KCNMB2: variants seen among roughly 807,000 people sequenced by gnomAD.
The protein encoded by KCNMB2 is potassium calcium-activated channel subfamily M regulatory beta subunit 2, also known as calcium-activated potassium channel subunit beta-2.
A neutral mutation model predicts 24.5 loss-of-function variants in KCNMB2; 9 were observed. The observed-to-expected ratio is 0.37, with a 90% CI of 0.22 to 0.64. The LOEUF (loss-of-function observed/expected upper bound fraction) is 0.64, where lower values mean the gene tolerates loss of function less well. KCNMB2 is among the 30% of genes least tolerant of loss of function. The pLI is 0.63. For missense variants in KCNMB2, 226 were observed against 284.3 expected, an observed-to-expected ratio of 0.79 and a Z score of 1.47; for synonymous variants, 109 against 104.4, an observed-to-expected ratio of 1.04 and a Z score of -0.27.
chr3:178,804,258 G>C (rs568977585), intron 1 of KCNMB2, among the ~76,000 whole-genome samples: 3 of 152,280 alleles, frequency 2.0e-5, no homozygotes, highest in East Asian at 3.9e-4. Context: ...AGGAGTTCAG[G>C]GGGGCTGTCT....
chr3:178,696,998 A>C (rs148173978), intron 1 of KCNMB2, among the ~76,000 whole-genome samples: 7 of 152,204 alleles, frequency 4.6e-5, no homozygotes, highest in African/African-American at 1.7e-4. Flanking sequence ...ATTATTCTAC[A>C]TTTGCTGAGG....
At chr3:178,572,995 GA>G (rs911762660) in intron 1 of KCNMB2, among the ~76,000 whole-genome samples, 4 of 151,992 alleles carry the variant, frequency 2.6e-5, no homozygotes, top group Non-Finnish European at 5.9e-5. Context: ...AACAAAATGT[GA>G]AAATGTAAAT....
chr3:178,701,830 C>G (rs954541144), intron 1 of KCNMB2, among the ~76,000 whole-genome samples: 38 of 152,234 alleles, frequency 2.5e-4, no homozygotes, highest in African/African-American at 7.9e-4. Flanking sequence ...GGACTGTAAA[C>G]TAGTTCAACC....
At chr3:178,631,087 G>A (rs961405435) in intron 1 of KCNMB2, among the ~76,000 whole-genome samples, 6 of 152,124 alleles carry the variant, frequency 3.9e-5, no homozygotes, top group African/African-American at 1.4e-4. Flanking sequence ...TACTCTCCCT[G>A]ATGGAAGCTT....
intron 1 of KCNMB2, among the ~76,000 whole-genome samples, chr3:178,705,783 G>A (rs565146694): frequency 1.3e-5 from 2 of 152,258 alleles, no homozygotes; most frequent in South Asian, 4.1e-4. Flanking sequence ...AATAATCACA[G>A]TTAAAAGGAA....
In KCNMB2 at chr3:178,740,311, G is replaced by A. The variant is rs1019308778; in HGVS notation, c.-67-67032G>A. 4.0e-5 allele frequency among the ~76,000 whole-genome samples: 6 copies of A among 151,690 alleles called. No individual in the cohort carries two copies. The South Asian group carries it at 6.2e-4, about 16-fold the overall frequency. On this transcript the variant is annotated intron_variant, in intron 1 of 4. Coordinates refer to ENST00000452583, the MANE Select transcript of KCNMB2 (RefSeq NM_181361.3). ...TTTTTTTGTATTTTTGAGTAGAGAC[G>A]GAGTTTCACCATGTTAGCCAGGATG... is the stretch of plus-strand genomic sequence containing the variant.
intron 1 of KCNMB2, among the ~76,000 whole-genome samples, chr3:178,758,520 G>C (rs1277483084): frequency 7.3e-5 from 2 of 27,472 alleles, no homozygotes; most frequent in African/African-American, 1.7e-4. Flanking sequence ...ATCTCCAAGA[G>C]GAGATGTATA....
chr3:178,555,710 T>C (rs1163651133), intron 1 of KCNMB2, among the ~76,000 whole-genome samples: 1 of 152,216 alleles, frequency 6.6e-6, no homozygotes, highest in East Asian at 1.9e-4. Context: ...AGATAGATTG[T>C]AAGTCCCTCA....
At chr3:178,695,935 T>C (rs1319764735) in intron 1 of KCNMB2, among the ~76,000 whole-genome samples, 1 of 152,102 alleles carries the variant, frequency 6.6e-6, no homozygotes, top group East Asian at 1.9e-4. Context: ...CACCCCATTC[T>C]CCCAGCACCA....
At chr3:178,686,896 C>T (rs1197449145) in intron 1 of KCNMB2, among the ~76,000 whole-genome samples, 1 of 151,128 alleles carries the variant, frequency 6.6e-6, no homozygotes, top group Non-Finnish European at 1.5e-5. Context: ...TTCCAACCAA[C>T]TGTAGATTAT....
chr3:178,807,050 A>G (rs1713999537), intron 1 of KCNMB2, among the ~76,000 whole-genome samples: 1 of 152,226 alleles, frequency 6.6e-6, no homozygotes, highest in South Asian at 2.1e-4. Context: ...TGAAGGAGAT[A>G]CTTTTGGGAA....
rs57100539 is a variant in KCNMB2 at position 178,697,811 on chromosome 3, C to T, written c.-67-109532C>T. 1.7e-3 allele frequency among the ~76,000 whole-genome samples: 261 copies of T among 152,256 alleles called. 1 individual carries two copies. The highest frequency in any genetic ancestry group is 5.9e-3 in the African/African-American group (245 of 41,552). Reference sequence around the variant, plus strand: ...AGGCAGGTCTTGTGGTAACAAATTCCGTCAGCATTTGCTTGTCAGAAAAGA... The same window carrying T: ...AGGCAGGTCTTGTGGTAACAAATTCTGTCAGCATTTGCTTGTCAGAAAAGA... On this transcript the variant is annotated intron_variant, in intron 1 of 4. Transcript: ENST00000452583.
chr3:178,771,421 C>A (rs1712344836), intron 1 of KCNMB2, among the ~76,000 whole-genome samples: 1 of 151,382 alleles, frequency 6.6e-6, no homozygotes, highest in Non-Finnish European at 1.5e-5. Flanking sequence ...ACATTGCCTA[C>A]AGGCCTTTTG....
chr3:178,713,868 C>T lies in KCNMB2; in HGVS notation c.-67-93475C>T, dbSNP rs9830314. Among the ~76,000 whole-genome samples, 1,363 of 152,198 alleles carry T rather than the reference C, an allele frequency of 9.0e-3. 21 individuals are homozygous for T. Among genetic ancestry groups the T allele is most frequent in the African/African-American group, 0.031 (1,275 of 41,506 alleles). On this transcript the variant is annotated intron_variant, in intron 1 of 4. Coordinates refer to ENST00000452583, the MANE Select transcript of KCNMB2 (RefSeq NM_181361.3). ...TGTGGAGCAAACCTGTGTGGAAGCT[C>T]CCAAGTAATATAGCCCCTGGAATGC...
chr3:178,753,188 A>T (rs61796924), intron 1 of KCNMB2, among the ~76,000 whole-genome samples: 6,648 of 152,332 alleles, frequency 0.044, 196 homozygotes, highest in Non-Finnish European at 0.064. Context: ...TTATGTCTGT[A>T]GTAACCGTAG....
rs111948519 is a variant in KCNMB2, at chr3:178,614,279, A to G, written c.-68+77568A>G. On this transcript the variant is annotated intron_variant, in intron 1 of 4. Transcript: ENST00000452583. ...TATATATATATATATATATATATAT[A>G]TATATATATATATATATGTATGTAT... Among the ~76,000 whole-genome samples, 450 of 72,608 alleles carry G rather than the reference A, an allele frequency of 6.2e-3. 6 individuals carry two copies. The highest frequency in any genetic ancestry group is 0.015 in the African/African-American group (349 of 23,386). 47.6% of individuals were successfully genotyped at this position (72,608 alleles called of 152,430 possible). A position where few individuals can be genotyped will look rare whatever the true frequency, so the allele number is the denominator to read the frequency against.
At chr3:178,537,359 T>A (rs1437302317) in intron 1 of KCNMB2, 4 of 152,276 alleles carry the variant, frequency 2.6e-5, no homozygotes, top group Non-Finnish European at 5.9e-5. Flanking sequence ...AGGGGCTTTC[T>A]CTCGGTTCCT....
At chr3:178,677,703 G>A (rs1341788454) in intron 1 of KCNMB2, among the ~76,000 whole-genome samples, 2 of 152,322 alleles carry the variant, frequency 1.3e-5, no homozygotes, top group African/African-American at 2.4e-5. Flanking sequence ...TCTTAATGAG[G>A]ATTACACCCT....
intron 1 of KCNMB2, among the ~76,000 whole-genome samples, chr3:178,607,044 A>T (rs1359874949): frequency 6.6e-6 from 1 of 152,220 alleles, no homozygotes; most frequent in African/African-American, 2.4e-5. Flanking sequence ...TTTATAAGCA[A>T]CCCAGCTTAT....
Sources: gnomAD v4.1 joint callset for allele counts (sites outside exome capture counted in the v4.1 genomes callset) on GRCh38, gnomAD v4.1.1 for gene constraint, MANE v1.5 for transcripts, NCBI Gene and HGNC (gene_info 2026-07-23, HGNC 2026-07-21) for gene names.